RAB40B: variants seen among roughly 807,000 people sequenced by gnomAD.
RAB40B encodes RAB40B, member RAS oncogene family.
Under a neutral mutation model 24.0 loss-of-function variants are expected in RAB40B, and 21 were observed. The observed-to-expected ratio is 0.88, with a 90% CI of 0.62 to 1.26. The LOEUF is 1.26. Among genes scored for constraint, RAB40B ranks in the 50% most tolerant of loss-of-function variants. The pLI is 0.00. For synonymous variants in RAB40B, 167 were observed against 169.8 expected (o/e 0.98, Z 0.13); for missense variants, 348 against 390.5 (o/e 0.89, Z 0.92).
chr17:82,698,585 C>A lies in RAB40B; in HGVS notation c.12G>T (p.Leu4=). 1 of 1,472,474 alleles carries A rather than the reference C, an allele frequency of 6.8e-7. No homozygotes were observed. The highest frequency in any genetic ancestry group is 9.1e-7 in the Non-Finnish European group (1 of 1,099,406). The allele number at this position is 1,472,474 out of a possible 1,614,324, so 91.2% of individuals were successfully genotyped here. ...AGTCGTAGGCCCGGACCGGGCTGCC[C>A]AGGGCGCTCATCGTGACGGCCCGGC... is the stretch of plus-strand genomic sequence containing the variant. MSA[L]GSPVRAYDFL... The change falls in exon 1 of 6, where the codon CTG becomes CTT. Residue 4 remains leucine (L), a synonymous_variant. Coordinates refer to ENST00000571995, the MANE Select transcript of RAB40B (RefSeq NM_006822.3).
intron 1 of RAB40B, among the ~76,000 whole-genome samples, chr17:82,671,454 C>T (rs1327226731): frequency 3.0e-5 from 4 of 134,096 alleles, no homozygotes; most frequent in Non-Finnish European, 6.5e-5. Context: ...AACTGACACA[C>T]CCCACCCCTG....
At chr17:82,665,291 C>T (rs1311775325) in intron 1 of RAB40B, among the ~76,000 whole-genome samples, 1 of 151,186 alleles carries the variant, frequency 6.6e-6, no homozygotes, top group Non-Finnish European at 1.5e-5. Flanking sequence ...TTCTCTCTGT[C>T]GCCCTGGCTG....
Position 82,681,690 on chromosome 17 carries a change from G to A in RAB40B, c.142+16765C>T, listed in dbSNP as rs548081509. Among the ~76,000 whole-genome samples the A allele has an allele frequency of 1.8e-4, 28 of 152,038 alleles. 1 individual carries two copies. The Middle Eastern group carries it at 0.01, about 55-fold the overall frequency. On this transcript the variant is annotated intron_variant, in intron 1 of 5. Transcript: ENST00000571995. ...CATCAATAAAAAATATACCAAATTC[G>A]GCAATCTATTATTGTAGGAATGCAA...
In RAB40B at chr17:82,693,952, G is replaced by A. The variant is rs143545537; in HGVS notation, c.142+4503C>T. Among the ~76,000 whole-genome samples the A allele has an allele frequency of 5.1e-4, 77 of 151,256 alleles. 1 individual carries two copies. Among genetic ancestry groups the A allele is most frequent in the African/African-American group, 1.5e-3 (61 of 40,848 alleles). ...ACAAAAATTAGCCAGGCGTGGTGGC[G>A]CACACCTGTAGTCCCAGCTACTCAG... On this transcript the variant is annotated intron_variant, in intron 1 of 5. Coordinates refer to ENST00000571995, the MANE Select transcript of RAB40B (RefSeq NM_006822.3).
chr17:82,679,208 G>A (rs568942430), intron 1 of RAB40B, among the ~76,000 whole-genome samples: 2 of 151,664 alleles, frequency 1.3e-5, no homozygotes, highest in African/African-American at 4.8e-5. Flanking sequence ...GGAGCAGCTC[G>A]CGCCCACCAG....
At chr17:82,693,734 T>C (rs1422749345) in intron 1 of RAB40B, among the ~76,000 whole-genome samples, 2 of 151,984 alleles carry the variant, frequency 1.3e-5, no homozygotes, top group Non-Finnish European at 2.9e-5. Context: ...CCCCACAGCC[T>C]CACACAACAT....
rs757436535 is a variant in RAB40B at position 82,661,163 on chromosome 17, C to A, written c.204-116G>T. The A allele has an allele frequency of 3.3e-6, 5 of 1,497,214 alleles. No homozygotes were observed. In the East Asian group the frequency reaches 1.2e-4, roughly 37 times the overall value. 92.7% of individuals were successfully genotyped at this position (1,497,214 alleles called of 1,614,324 possible). A position where few individuals can be genotyped will look rare whatever the true frequency, so the allele number is the denominator to read the frequency against. On this transcript the variant is annotated intron_variant, in intron 2 of 5. Transcript: ENST00000571995. ...CACACCCGCCAGTCAGCAGCCACCA[C>A]GCCGCCAGCGTGAGACCCCAACAAA...
chr17:82,662,142 C>A, intron 2 of RAB40B: 1 of 985,434 alleles, frequency 1.0e-6, no homozygotes, highest in Non-Finnish European at 1.2e-6. Flanking sequence ...CACCTGTGGT[C>A]GGTGACCACC....
chr17:82,695,073 C>T (rs11654159), intron 1 of RAB40B, among the ~76,000 whole-genome samples: 17,365 of 151,838 alleles, frequency 0.11, 1,345 homozygotes, highest in Non-Finnish European at 0.16. Context: ...AATACAGAAG[C>T]AAGGGCTATA....
intron 1 of RAB40B, 135 bp from the exon 2 acceptor site, chr17:82,664,691 C>T (rs931728852): frequency 1.6e-5 from 13 of 817,886 alleles, no homozygotes; most frequent in Non-Finnish European, 2.5e-5. Context: ...GGGACCCCCT[C>T]CCTGTGTCTG....
rs1270684691 is a variant in RAB40B, at chr17:82,667,405, C to T, written c.143-2849G>A. Among the ~76,000 whole-genome samples, 2 of 152,238 alleles carry T rather than the reference C, an allele frequency of 1.3e-5. No homozygotes were observed. The highest frequency in any genetic ancestry group is 2.9e-5 in the Non-Finnish European group (2 of 68,048). On this transcript the variant is annotated intron_variant, in intron 1 of 5. Transcript: ENST00000571995. The surrounding 1 kb of genome is among the most constrained non-coding windows in gnomAD (Gnocchi z 4.3). ...CTTTCCACTGATGCAGCCATGAGCA[C>T]GTGCATGGCACACCTGCCTGATCTG...
At chr17:82,698,055 G>T (rs1248460675) in intron 1 of RAB40B, among the ~76,000 whole-genome samples, 2 of 151,716 alleles carry the variant, frequency 1.3e-5, no homozygotes, top group Non-Finnish European at 2.9e-5. Flanking sequence ...ACGCGCACTT[G>T]CGGACTCGAG....
chr17:82,663,440 C>G lies in RAB40B; in HGVS notation c.203+1056G>C, dbSNP rs1201754798. On this transcript the variant is annotated intron_variant, in intron 2 of 5. Transcript: ENST00000571995. The surrounding 1 kb of genome is among the most constrained non-coding windows in gnomAD (Gnocchi z 6.2). Reference sequence around the variant, plus strand: ...CGCAGGAGCCCCCCATCCCCACCGCCCCAGAGCTGGAACCGCAGGAGCTCC... The same window carrying G: ...CGCAGGAGCCCCCCATCCCCACCGCGCCAGAGCTGGAACCGCAGGAGCTCC... Among the ~76,000 whole-genome samples, 1 of 152,078 alleles carries G rather than the reference C, an allele frequency of 6.6e-6. No homozygotes were observed. The highest frequency in any genetic ancestry group is 1.9e-4 in the East Asian group (1 of 5,172).
At chr17:82,679,466 A>G (rs1251345654) in intron 1 of RAB40B, among the ~76,000 whole-genome samples, 1 of 151,502 alleles carries the variant, frequency 6.6e-6, no homozygotes, top group Non-Finnish European at 1.5e-5. Context: ...TATTTTTAGT[A>G]GAGACAGGGT....
At chr17:82,680,715 GA>G (rs2046440706) in intron 1 of RAB40B, among the ~76,000 whole-genome samples, 2 of 152,122 alleles carry the variant, frequency 1.3e-5, no homozygotes, top group South Asian at 4.1e-4. Context: ...ATGAAGTATT[GA>G]TACAAATGTT....
At chr17:82,685,565 G>A (rs1441524802) in intron 1 of RAB40B, among the ~76,000 whole-genome samples, 1 of 152,146 alleles carries the variant, frequency 6.6e-6, no homozygotes, top group Non-Finnish European at 1.5e-5. Flanking sequence ...GCAGGTCCTA[G>A]GGGCCCCTCC....
chr17:82,667,350 G>A lies in RAB40B; in HGVS notation c.143-2794C>T, dbSNP rs912381904. ...CCCACATCTTCAGGCAGGCCTGGGC[G>A]TTGCAGCAGCTCTGGGCCTCTGTCC... On this transcript the variant is annotated intron_variant, in intron 1 of 5. Coordinates refer to ENST00000571995, the MANE Select transcript of RAB40B (RefSeq NM_006822.3). This position sits in a 1 kb window ranked among gnomAD's most constrained non-coding sequence, Gnocchi z 4.3. 6.6e-6 allele frequency among the ~76,000 whole-genome samples: 1 copy of A among 151,622 alleles called. No homozygotes were observed. Among genetic ancestry groups the A allele is most frequent in the Non-Finnish European group, 1.5e-5 (1 of 67,678 alleles).
At position 82,697,900 on chromosome 17, in the gene RAB40B, G is replaced by A. The variant is rs2046627690; in HGVS notation, c.142+555C>T. 6.6e-6 allele frequency among the ~76,000 whole-genome samples: 1 copy of A among 151,600 alleles called. No homozygotes were observed. Among genetic ancestry groups the A allele is most frequent in the Admixed American group, 6.6e-5 (1 of 15,236 alleles). ...CTCCTTCCTCTCCCCCGGACACGCG[G>A]GACCCCTGGCCTCGGGACCGGACCC... On this transcript the variant is annotated intron_variant, in intron 1 of 5. Coordinates refer to ENST00000571995, the MANE Select transcript of RAB40B (RefSeq NM_006822.3). The surrounding 1 kb of genome is among the most constrained non-coding windows in gnomAD (Gnocchi z 4.9).
In RAB40B at chr17:82,659,607, A is replaced by G. The variant is rs2046135113; in HGVS notation, c.315T>C (p.Ile105=). 1 of 1,614,150 alleles carries G rather than the reference A, an allele frequency of 6.2e-7. No individual in the cohort carries two copies. The highest frequency in any genetic ancestry group is 8.5e-7 in the Non-Finnish European group (1 of 1,180,018). The change falls in exon 4 of 6, where the codon ATT becomes ATC. Residue 105 remains isoleucine (I), a synonymous_variant. Coordinates refer to ENST00000571995, the MANE Select transcript of RAB40B (RefSeq NM_006822.3). The part of the protein sequence containing the change: ...DIANRWSFDG[I]DRWIKEIDEH... Reference sequence around the variant, plus strand: ...CATCGATCTCCTTAATCCATCGATCAATGCCGTCAAAAGACCAGCGGTTCG... The same window carrying G: ...CATCGATCTCCTTAATCCATCGATCGATGCCGTCAAAAGACCAGCGGTTCG...
Sources: gnomAD v4.1 joint callset for allele counts (sites outside exome capture counted in the v4.1 genomes callset) on GRCh38, gnomAD v4.1.1 for gene constraint, Gnocchi (gnomAD v3.1) non-coding constraint, MANE v1.5 for transcripts, NCBI Gene and HGNC (gene_info 2026-07-23, HGNC 2026-07-21) for gene names.